RABGEF1: variants seen among roughly 807,000 people sequenced by gnomAD.
The protein encoded by RABGEF1 is RAB guanine nucleotide exchange factor 1.
A neutral mutation model predicts 57.3 loss-of-function variants in RABGEF1; 26 were observed. The ratio of observed to expected loss-of-function variants is 0.45; its 90% CI spans 0.33 to 0.63. The LOEUF (loss-of-function observed/expected upper bound fraction) is 0.63, where lower values mean the gene tolerates loss of function less well. Ranked by LOEUF, RABGEF1 falls within the 20% of genes least tolerant of loss-of-function variation. The pLI is 0.02. For missense variants in RABGEF1, 464 were observed against 607.6 expected (o/e 0.76, Z 2.48); for synonymous variants, 185 against 210.7 (o/e 0.88, Z 1.06).
intron 6 of RABGEF1, 54 bp from the exon 7 acceptor site, chr7:66,799,269 C>A: frequency 6.9e-7 from 1 of 1,459,306 alleles, no homozygotes; most frequent in Non-Finnish European, 9.6e-7. Context: ...GGTGACAAGA[C>A]AAATGGCCAC....
intron 1 of RABGEF1, among the ~76,000 whole-genome samples, chr7:66,704,482 C>T (rs899313549): frequency 2.6e-5 from 4 of 152,120 alleles, no homozygotes; most frequent in Non-Finnish European, 4.4e-5. Flanking sequence ...ATTTTACATT[C>T]CCACCAGCTA....
chr7:66,754,609 C>T (rs1171027709), intron 1 of RABGEF1, among the ~76,000 whole-genome samples: 3 of 151,804 alleles, frequency 2.0e-5, no homozygotes, highest in South Asian at 4.2e-4. Context: ...AGTACATTGG[C>T]CAGTCCAGCT....
the RABGEF1 span, among the ~76,000 whole-genome samples, chr7:66,666,651 C>G: frequency 1.8e-4 from 27 of 152,338 alleles, no homozygotes; most frequent in Non-Finnish European, 2.9e-4. Flanking sequence ...GCTGCAGGTC[C>G]TGGCTGCTCA....
intron 2 of RABGEF1, among the ~76,000 whole-genome samples, chr7:66,731,042 A>C (rs1440474801): frequency 6.6e-6 from 1 of 152,032 alleles, no homozygotes; most frequent in African/African-American, 2.4e-5. Flanking sequence ...TTCCTTTTTT[A>C]ACCTCCTGCT....
chr7:66,662,095 C>G, the RABGEF1 span, among the ~76,000 whole-genome samples: 1 of 152,066 alleles, frequency 6.6e-6, no homozygotes, highest in Non-Finnish European at 1.5e-5. Context: ...AAAAATTAGC[C>G]GGGCACGGTG....
At chr7:66,693,280 A>AC (rs1337500817) in intron 1 of RABGEF1, among the ~76,000 whole-genome samples, 1 of 151,734 alleles carries the variant, frequency 6.6e-6, no homozygotes, top group Non-Finnish European at 1.5e-5. Flanking sequence ...GTATGTTTCC[A>AC]CCCCCCAGGG....
chr7:66,755,772 A>C (rs531582859), intron 1 of RABGEF1: 148 of 295,384 alleles, frequency 5.0e-4, no homozygotes, highest in Non-Finnish European at 8.3e-4. Flanking sequence ...GTGATCTAGT[A>C]CAATAGAAGA....
rs547947780 is a variant in RABGEF1, at chr7:66,733,199, T to C, written c.-814-6797T>C. On this transcript the variant is annotated intron_variant and NMD_transcript_variant, in intron 2 of 9. Transcript: ENST00000607882. ...AGTGCCCCTGCAGCCCAGGCCTGAA[T>C]AGCCTTCTCTCAAGATTTGGCCAAA... Among the ~76,000 whole-genome samples, 14 of 152,286 alleles carry C rather than the reference T, an allele frequency of 9.2e-5. No homozygotes were observed. In the South Asian group the frequency reaches 2.9e-3, roughly 32 times the overall value.
intron 2 of RABGEF1, among the ~76,000 whole-genome samples, chr7:66,712,758 C>G (rs560249846): frequency 2.5e-4 from 38 of 151,254 alleles, no homozygotes; most frequent in African/African-American, 8.5e-4. Context: ...TAGGCGTGAG[C>G]CACTGCACCC....
At chr7:66,658,771 T>G in the RABGEF1 span, among the ~76,000 whole-genome samples, 3 of 152,156 alleles carry the variant, frequency 2.0e-5, no homozygotes, top group Admixed American at 6.5e-5. Context: ...AGTCTCGCTC[T>G]GTCGCCCACG....
chr7:66,759,839 T>G (rs1384891213), intron 1 of RABGEF1, among the ~76,000 whole-genome samples: 1 of 152,208 alleles, frequency 6.6e-6, no homozygotes, highest in African/African-American at 2.4e-5. Context: ...CAATTCAGCA[T>G]GACATTTGGG....
chr7:66,796,576 A>T (rs779069490), intron 5 of RABGEF1, among the ~76,000 whole-genome samples: 4 of 151,976 alleles, frequency 2.6e-5, no homozygotes, highest in African/African-American at 4.8e-5. Flanking sequence ...AGTTGGAAGA[A>T]GATTTTTTTG....
intron 5 of RABGEF1, 74 bp downstream of exon 5, chr7:66,795,666 C>A (rs1813858409): frequency 1.5e-6 from 2 of 1,367,460 alleles, no homozygotes; most frequent in Non-Finnish European, 2.1e-6. Flanking sequence ...CAATTTCTTT[C>A]TTTCTCTGAT....
At chr7:66,797,081 C>T (rs1562872950) in intron 5 of RABGEF1, among the ~76,000 whole-genome samples, 1 of 151,882 alleles carries the variant, frequency 6.6e-6, no homozygotes, top group Non-Finnish European at 1.5e-5. Flanking sequence ...AGGTAGATTG[C>T]TTGAGCCCAG....
intron 3 of RABGEF1, among the ~76,000 whole-genome samples, chr7:66,776,413 CCT>C (rs1416237501): frequency 6.6e-6 from 1 of 152,208 alleles, no homozygotes; most frequent in Admixed American, 6.5e-5. Context: ...GGATACCAGA[CCT>C]GGTGCGGTAG....
intron 3 of RABGEF1, among the ~76,000 whole-genome samples, chr7:66,781,739 G>A (rs939075792): frequency 6.6e-6 from 1 of 152,186 alleles, no homozygotes; most frequent in African/African-American, 2.4e-5. Context: ...CCCCTCCGTA[G>A]TGTTTGCATG....
rs181663220 is a variant in RABGEF1 at position 66,799,077 on chromosome 7, C to G, written c.729-246C>G. On this transcript the variant is annotated intron_variant, in intron 6 of 8. Coordinates refer to ENST00000284957, the MANE Select transcript of RABGEF1 (RefSeq NM_014504.3). The stretch of plus-strand genomic sequence containing the variant: ...TGAGTGCATTTCAGTCTTGGTAGCA[C>G]TGCGTAATGTCATTTCAGTCAGCAA... 2.1e-4 allele frequency among the ~76,000 whole-genome samples: 32 copies of G among 152,348 alleles called. No homozygotes were observed. In the East Asian group the frequency reaches 6.0e-3, roughly 28 times the overall value.
At chr7:66,658,195 A>G in the RABGEF1 span, among the ~76,000 whole-genome samples, 1 of 152,206 alleles carries the variant, frequency 6.6e-6, no homozygotes, top group Non-Finnish European at 1.5e-5. Context: ...GCAAATCTCT[A>G]GAAACACAAA....
At chr7:66,782,668 A>G (rs1410598678) in intron 3 of RABGEF1, among the ~76,000 whole-genome samples, 1 of 151,352 alleles carries the variant, frequency 6.6e-6, no homozygotes, top group Non-Finnish European at 1.5e-5. Context: ...GAGAGCAGCT[A>G]CTCGGAGACT....
Sources: allele counts gnomAD v4.1 joint callset (sites outside exome capture counted in the v4.1 genomes callset), GRCh38; gene constraint gnomAD v4.1.1; transcripts MANE v1.5; gene names NCBI Gene and HGNC (gene_info 2026-07-23, HGNC 2026-07-21).